The following LYPLA1 variants were observed in gnomAD, a reference collection of about 807,000 sequenced individuals.
LYPLA1 encodes lysophospholipase 1.
Under a neutral mutation model 34.0 loss-of-function variants are expected in LYPLA1, and 17 were observed. The ratio of observed to expected loss-of-function variants is 0.50; its 90% CI spans 0.34 to 0.75. The LOEUF (loss-of-function observed/expected upper bound fraction) is 0.75, where lower values mean the gene tolerates loss of function less well. Ranked by LOEUF, LYPLA1 falls within the 30% of genes least tolerant of loss-of-function variation. The pLI is 0.01. For missense variants in LYPLA1, 203 were observed against 288.8 expected (o/e 0.70, Z 2.15); for synonymous variants, 98 against 100.8 (o/e 0.97, Z 0.17).
intron 5 of LYPLA1, among the ~76,000 whole-genome samples, chr8:54,056,473 C>G (rs1245107464): frequency 6.6e-6 from 1 of 152,074 alleles, no homozygotes; most frequent in Admixed American, 6.6e-5. Context: ...AGCTTCTGCA[C>G]AGCAAAGGAT....
intron 2 of LYPLA1, among the ~76,000 whole-genome samples, chr8:54,089,451 G>GT: frequency 1.4e-5 from 2 of 139,030 alleles, no homozygotes; most frequent in South Asian, 4.9e-4. Flanking sequence ...AAAAAACATA[G>GT]TATCATAGGG....
At chr8:54,058,537 C>T (rs1806364217) in intron 5 of LYPLA1, among the ~76,000 whole-genome samples, 1 of 152,084 alleles carries the variant, frequency 6.6e-6, no homozygotes, top group Non-Finnish European at 1.5e-5. Flanking sequence ...GAGCAAGACT[C>T]CATCTCAAAA....
At chr8:54,068,484 T>G (rs1172412195) in intron 2 of LYPLA1, among the ~76,000 whole-genome samples, 1 of 152,100 alleles carries the variant, frequency 6.6e-6, no homozygotes, top group East Asian at 1.9e-4. Context: ...CAAGTAACAT[T>G]CAGAAAGACT....
chr8:54,065,328 C>T (rs1164920427), intron 3 of LYPLA1, among the ~76,000 whole-genome samples: 1 of 151,938 alleles, frequency 6.6e-6, no homozygotes, highest in African/African-American at 2.4e-5. Context: ...CGTGGTGGCA[C>T]GTACCTGTAA....
At chr8:54,074,968 T>C (rs147844892) in intron 2 of LYPLA1, among the ~76,000 whole-genome samples, 1,823 of 152,346 alleles carry the variant, frequency 0.012, 15 homozygotes, top group Middle Eastern at 0.02. Flanking sequence ...CCCCAGGCTA[T>C]ACTAGCCAAG....
chr8:54,053,946 T>C (rs1806025761), intron 6 of LYPLA1, among the ~76,000 whole-genome samples: 1 of 152,196 alleles, frequency 6.6e-6, no homozygotes, highest in African/African-American at 2.4e-5. Flanking sequence ...ATATCAAATA[T>C]ACAGACTCCC....
intron 6 of LYPLA1, 86 bp from the exon 7 acceptor site, chr8:54,052,842 T>TA (rs1237173891): frequency 4.9e-6 from 4 of 820,724 alleles, no homozygotes; most frequent in Non-Finnish European, 8.1e-6. Flanking sequence ...ATGATATCCA[T>TA]AAAAAAATCA....
In LYPLA1 at chr8:54,052,693, G is replaced by A; in HGVS notation, c.424C>T (p.Leu142Phe). The A allele has an allele frequency of 6.2e-7, 1 of 1,613,938 alleles. No homozygotes were observed. Among genetic ancestry groups the A allele is most frequent in the Non-Finnish European group, 8.5e-7 (1 of 1,179,928 alleles). ...TQQKLAGVTA[L>F]SCWLPLRASF... is the part of the protein sequence containing the mutation. ...GCCCGAAGTGGAAGCCAGCAACTGA[G>A]TGCAGTGACACCTGCCAGTTTCTGC... The change falls in exon 7 of 9, where the codon CTC becomes TTC. Residue 142 changes from leucine (L) to phenylalanine (F), a missense_variant. Leu to Phe is a conservative substitution (Grantham distance 22, BLOSUM62 0). Transcript: ENST00000316963.
intron 2 of LYPLA1, among the ~76,000 whole-genome samples, chr8:54,080,411 A>G (rs1420108141): frequency 1.3e-5 from 2 of 152,218 alleles, no homozygotes; most frequent in Non-Finnish European, 2.9e-5. Flanking sequence ...AATAAAATAA[A>G]GCTTCAATTA....
chr8:54,070,386 T>A (rs922209993), intron 2 of LYPLA1, among the ~76,000 whole-genome samples: 3 of 152,036 alleles, frequency 2.0e-5, no homozygotes, highest in African/African-American at 7.2e-5. Flanking sequence ...ATTACGCAAC[T>A]TCAAGGTGCA....
intron 2 of LYPLA1, among the ~76,000 whole-genome samples, chr8:54,086,906 C>T (rs977903099): frequency 6.6e-6 from 1 of 152,138 alleles, no homozygotes; most frequent in African/African-American, 2.4e-5. Context: ...CTAAAAACTA[C>T]CAAACCAAAT....
chr8:54,092,827 A>C (rs1242483465), intron 2 of LYPLA1, among the ~76,000 whole-genome samples: 1 of 152,070 alleles, frequency 6.6e-6, no homozygotes, highest in Non-Finnish European at 1.5e-5. Context: ...ACTTAAAAAC[A>C]AAACAAAACA....
In LYPLA1 at chr8:54,077,695, T is replaced by C. The variant is rs1808011874; in HGVS notation, c.102-11882A>G. ...TCTGAAAATAAAAGGAATAGATTTA[T>C]GAGATAGTAAAGTGTATGTTCCAAC... On this transcript the variant is annotated intron_variant, in intron 2 of 8. Transcript: ENST00000316963. 2.0e-5 allele frequency among the ~76,000 whole-genome samples: 3 copies of C among 152,160 alleles called. No individual in the cohort carries two copies. In the South Asian group the frequency reaches 6.2e-4, roughly 31 times the overall value.
chr8:54,087,942 G>C (rs953921204), intron 2 of LYPLA1, among the ~76,000 whole-genome samples: 2 of 152,200 alleles, frequency 1.3e-5, no homozygotes, highest in Non-Finnish European at 2.9e-5. Flanking sequence ...TGCTGTGTCT[G>C]GTTTCCATTG....
Position 54,101,944 on chromosome 8 carries a change from C to CCTGG in LYPLA1, c.-122_-121insCCAG. On this transcript the variant is annotated 5_prime_UTR_variant, in exon 1 of 9. Coordinates refer to ENST00000316963, the MANE Select transcript of LYPLA1 (RefSeq NM_006330.4). Reference sequence around the variant, plus strand: ...GGCGCACGCTCAGGCGCGTGCGCGCCAACGCGGCCCCGCGCTACCTTCCGC... The same window carrying CCTGG: ...GGCGCACGCTCAGGCGCGTGCGCGCCCTGGAACGCGGCCCCGCGCTACCTTCCGC... 2.8e-6 allele frequency: 1 copy of CCTGG among 361,932 alleles called. No individual in the cohort carries two copies. Among genetic ancestry groups the CCTGG allele is most frequent in the East Asian group, 1.2e-4 (1 of 8,658 alleles). 22.4% of individuals were successfully genotyped at this position (361,932 alleles called of 1,614,324 possible).
intron 2 of LYPLA1, 77 bp downstream of exon 2, chr8:54,100,831 T>C: frequency 8.5e-7 from 1 of 1,175,332 alleles, no homozygotes; most frequent in South Asian, 1.2e-5. Flanking sequence ...CCCTTAAACA[T>C]TAAACCTTTG....
At chr8:54,061,198 G>C (rs768968414) in intron 5 of LYPLA1, among the ~76,000 whole-genome samples, 5 of 151,220 alleles carry the variant, frequency 3.3e-5, no homozygotes, top group Non-Finnish European at 7.4e-5. Context: ...CTCCTGCCTC[G>C]GCCTCCCAAG....
chr8:54,076,330 G>C (rs905654495), intron 2 of LYPLA1, among the ~76,000 whole-genome samples: 6 of 152,238 alleles, frequency 3.9e-5, no homozygotes, highest in Admixed American at 3.9e-4. Context: ...TTAGCAGCTA[G>C]TAACCCATTA....
chr8:54,061,970 T>G (rs10101097), intron 5 of LYPLA1, among the ~76,000 whole-genome samples: 2 of 151,944 alleles, frequency 1.3e-5, no homozygotes, highest in Non-Finnish European at 2.9e-5. Flanking sequence ...ACTATCCTGC[T>G]TCATCCTCTC....
Sources: allele counts gnomAD v4.1 joint callset (sites outside exome capture counted in the v4.1 genomes callset), GRCh38; gene constraint gnomAD v4.1.1; transcripts MANE v1.5; gene names NCBI Gene and HGNC (gene_info 2026-07-23, HGNC 2026-07-21).